Variants in EVC2 observed in about 807,000 individuals in gnomAD.
EVC2 encodes limbin.
A neutral mutation model predicts 149.3 loss-of-function variants in EVC2; 148 were observed. The ratio of observed to expected loss-of-function variants is 0.99; its 90% CI spans 0.87 to 1.14. The LOEUF is 1.14. Among genes scored for constraint, EVC2 ranks in the 50% most tolerant of loss-of-function variants. The probability of loss-of-function intolerance (pLI) is 0.00; values close to 1 mark genes in which losing one functional copy is unlikely to be tolerated. For synonymous variants in EVC2, 776 were observed against 649.9 expected (o/e 1.19, Z -2.95); for missense variants, 1,854 against 1,627.3 (o/e 1.14, Z -2.40).
At position 5,631,595 on chromosome 4, in the gene EVC2, G is replaced by A. The variant is rs530084687; in HGVS notation, c.1710+198C>T. Reference sequence around the variant, plus strand: ...GGGGGGGAACTGAAATTCCAATCCAGGTCAGCCCGAGTTCAAGGCCTGTAC... The same window carrying A: ...GGGGGGGAACTGAAATTCCAATCCAAGTCAGCCCGAGTTCAAGGCCTGTAC... On this transcript the variant is annotated intron_variant, in intron 11 of 21. Transcript: ENST00000344408. Among the ~76,000 whole-genome samples the A allele has an allele frequency of 2.6e-5, 4 of 151,900 alleles. No homozygotes were observed. The South Asian group carries it at 8.3e-4, about 32-fold the overall frequency.
chr4:5,642,349 C>A (rs745383021), intron 9 of EVC2, among the ~76,000 whole-genome samples: 8 of 151,806 alleles, frequency 5.3e-5, no homozygotes, highest in Non-Finnish European at 1.0e-4. Flanking sequence ...ACTATTTACA[C>A]AGATGCATGC....
Position 5,568,579 on chromosome 4 carries a change from C to A in EVC2, c.3422G>T (p.Arg1141Leu), listed in dbSNP as rs778201846. 1 of 1,607,744 alleles carries A rather than the reference C, an allele frequency of 6.2e-7. No homozygotes were observed. ...TGTGGGCAGTACCACACTCAGGAGC[C>A]GGCGAAGCGTGGCCCCGGGCACCAT... ...MAMVPGATLR[R>L]LLSVVLPTAS... is the part of the protein sequence containing the mutation. Residue 1141 changes from arginine to leucine, a missense_variant, in exon 20 of 22, where the codon CGG (arginine) becomes CTG (leucine). By Grantham distance (102) the Arg-to-Leu change is moderately radical. Transcript: ENST00000344408.
intron 1 of EVC2, among the ~76,000 whole-genome samples, chr4:5,705,105 G>A (rs1487978638): frequency 6.6e-6 from 1 of 152,122 alleles, no homozygotes; most frequent in Non-Finnish European, 1.5e-5. Context: ...CTGATTTTTT[G>A]TTGTTCTTTT....
chr4:5,697,945 G>A (rs1721588963), intron 1 of EVC2, among the ~76,000 whole-genome samples: 1 of 151,960 alleles, frequency 6.6e-6, no homozygotes, highest in Non-Finnish European at 1.5e-5. Flanking sequence ...TAGAGACGGG[G>A]TTTCACCATA....
Position 5,570,919 on chromosome 4 carries a change from TCA to T in EVC2, c.3361-2281_3361-2280del, listed in dbSNP as rs1722604512. On this transcript the variant is annotated intron_variant, in intron 19 of 21. Transcript: ENST00000344408. Reference sequence around the variant, plus strand: ...ATGGAAAACCATATATTGTATGTTCTCACTTATGAGGAGGAGCTGAGCTATGA... The same window carrying T: ...ATGGAAAACCATATATTGTATGTTCTCTTATGAGGAGGAGCTGAGCTATGA... Among the ~76,000 whole-genome samples the T allele has an allele frequency of 5.3e-5, 8 of 152,254 alleles. No individual in the cohort carries two copies. The South Asian group carries it at 1.7e-3, about 32-fold the overall frequency.
At chr4:5,590,038 A>C (rs983751205) in intron 16 of EVC2, among the ~76,000 whole-genome samples, 1 of 152,144 alleles carries the variant, frequency 6.6e-6, no homozygotes, top group Non-Finnish European at 1.5e-5. Flanking sequence ...GCAGATACTG[A>C]AGGATCCAGG....
intron 9 of EVC2, 132 bp downstream of exon 9, chr4:5,662,975 T>C: frequency 2.5e-6 from 3 of 1,214,004 alleles, no homozygotes; most frequent in Non-Finnish European, 3.5e-6. Context: ...GCATAGCAGT[T>C]GTTGAATTAT....
In EVC2 at chr4:5,685,419, C is replaced by T; in HGVS notation, c.767G>A (p.Gly256Glu). The T allele has an allele frequency of 1.2e-6, 2 of 1,614,220 alleles. No individual in the cohort carries two copies. Among genetic ancestry groups the T allele is most frequent in the Non-Finnish European group, 1.7e-6 (2 of 1,180,038 alleles). The change falls in exon 6 of 22, where the codon GGG becomes GAG. Residue 256 changes from glycine (G) to glutamate (E), a missense_variant. Physicochemically the swap from Gly to Glu is moderately conservative, Grantham distance 98 (BLOSUM62 -2). Coordinates refer to ENST00000344408, the MANE Select transcript of EVC2 (RefSeq NM_147127.5). Reference protein sequence around the residue: ...ATLQAGDLGNGESLKLPAQLT... With the variant: ...ATLQAGDLGNEESLKLPAQLT... The stretch of plus-strand genomic sequence containing the variant: ...TTGGGCAGGAAGCTTGAGGCTCTCC[C>T]CGTTCCCGAGGTCTCCAGCCTGGAG...
Position 5,665,414 on chromosome 4 carries a change from A to G in EVC2, c.1005+101T>C, listed in dbSNP as rs1022321825. 8.9e-6 allele frequency: 14 copies of G among 1,578,570 alleles called. 2 individuals carry two copies. The Admixed American group carries it at 2.4e-4, about 27-fold the overall frequency. ...ATGGGTTTTTGTGCACAGCTCCCTCAGCAATGCTGATGGGGATCCAGGGCT... is the reference window on the plus strand; with the variant it reads ...ATGGGTTTTTGTGCACAGCTCCCTCGGCAATGCTGATGGGGATCCAGGGCT... On this transcript the variant is annotated intron_variant, in intron 8 of 21. Coordinates refer to ENST00000344408, the MANE Select transcript of EVC2 (RefSeq NM_147127.5).
intron 2 of EVC2, among the ~76,000 whole-genome samples, chr4:5,695,611 C>G (rs910469973): frequency 6.6e-6 from 1 of 152,206 alleles, no homozygotes; most frequent in African/African-American, 2.4e-5. Context: ...TCAGACAGGG[C>G]TGTTGTCTGA....
intron 1 of EVC2, among the ~76,000 whole-genome samples, chr4:5,702,847 T>A (rs1226740161): frequency 6.6e-6 from 1 of 152,230 alleles, no homozygotes; most frequent in East Asian, 1.9e-4. Context: ...GGAATCACTG[T>A]GGCCTCAGTT....
chr4:5,605,961 C>T (rs1285588585), intron 16 of EVC2, among the ~76,000 whole-genome samples: 1 of 152,182 alleles, frequency 6.6e-6, no homozygotes, highest in Admixed American at 6.5e-5. Flanking sequence ...CCCTTCCTGA[C>T]GGGACTGCTG....
chr4:5,539,921 C>T (rs771155668), downstream of EVC2, among the ~76,000 whole-genome samples: 4 of 152,036 alleles, frequency 2.6e-5, no homozygotes, highest in East Asian at 1.9e-4. Flanking sequence ...CAAAAGATAC[C>T]GCTGAAAGAA....
At chr4:5,617,686 G>A (rs1715360823) in intron 15 of EVC2, among the ~76,000 whole-genome samples, 1 of 152,196 alleles carries the variant, frequency 6.6e-6, no homozygotes, top group Non-Finnish European at 1.5e-5. Context: ...CCTAGTGGAG[G>A]TGGCATTTGA....
At chr4:5,561,943 G>C (rs1721977148), downstream of EVC2, among the ~76,000 whole-genome samples, 2 of 152,130 alleles carry the variant, frequency 1.3e-5, no homozygotes, top group South Asian at 4.1e-4. Context: ...AATACCCATT[G>C]TAATTGTATT....
chr4:5,674,873 G>A (rs1257406342), intron 7 of EVC2, among the ~76,000 whole-genome samples: 2 of 152,138 alleles, frequency 1.3e-5, no homozygotes, highest in African/African-American at 2.4e-5. Context: ...ATAGGATGCT[G>A]GGGCAGTAAT....
At position 5,633,789 on chromosome 4, in the gene EVC2, C is replaced by G. The variant is rs1448207065; in HGVS notation, c.1471-1757G>C. On this transcript the variant is annotated intron_variant, in intron 10 of 21. Coordinates refer to ENST00000344408, the MANE Select transcript of EVC2 (RefSeq NM_147127.5). The surrounding 1 kb of genome is among the most constrained non-coding windows in gnomAD (Gnocchi z 4.4). ...AAACAAGGTTGGAATGCTCTATCACCCACCAGAATTCTCTGGTTTCAGTAA... is the reference window on the plus strand; with the variant it reads ...AAACAAGGTTGGAATGCTCTATCACGCACCAGAATTCTCTGGTTTCAGTAA... Among the ~76,000 whole-genome samples the G allele has an allele frequency of 6.6e-6, 1 of 152,230 alleles. No individual in the cohort carries two copies. Among genetic ancestry groups the G allele is most frequent in the Non-Finnish European group, 1.5e-5 (1 of 68,040 alleles).
Position 5,708,331 on chromosome 4 carries a change from C to T in EVC2, c.183G>A (p.Arg61=). The change falls in exon 1 of 22, where the codon AGG becomes AGA. Residue 61 remains arginine, a synonymous_variant. Transcript: ENST00000344408. Reference sequence around the variant, plus strand: ...CCGCCCCGCTCCGCCCCGGAGGGATCCTCAGGCCGGGCCCAGACCTAGGAG... The same window carrying T: ...CCGCCCCGCTCCGCCCCGGAGGGATTCTCAGGCCGGGCCCAGACCTAGGAG... ...QVAPRSGPGL[R]IPPGRSGAGP... is the part of the protein sequence containing the mutation. 1.4e-6 allele frequency: 2 copies of T among 1,471,088 alleles called. No homozygotes were observed. The highest frequency in any genetic ancestry group is 1.8e-6 in the Non-Finnish European group (2 of 1,117,192). 91.1% of individuals were successfully genotyped at this position (1,471,088 alleles called of 1,614,324 possible). A position where few individuals can be genotyped will look rare whatever the true frequency, so the allele number is the denominator to read the frequency against.
Position 5,637,099 on chromosome 4 carries a change from G to A in EVC2, c.1470+3415C>T, listed in dbSNP as rs1255236982. Among the ~76,000 whole-genome samples, 2 of 152,174 alleles carry A rather than the reference G, an allele frequency of 1.3e-5. No homozygotes were observed. Among genetic ancestry groups the A allele is most frequent in the Non-Finnish European group, 2.9e-5 (2 of 68,028 alleles). On this transcript the variant is annotated intron_variant, in intron 10 of 21. Coordinates refer to ENST00000344408, the MANE Select transcript of EVC2 (RefSeq NM_147127.5). The surrounding 1 kb of genome is among the most constrained non-coding windows in gnomAD (Gnocchi z 4.4). The stretch of plus-strand genomic sequence containing the variant: ...GCAGAAAAGCCCTGGAGAGAGCAGG[G>A]TCAGGAAGCCCTGAGGAGGAGAGGG...
Sources: allele counts gnomAD v4.1 joint callset (sites outside exome capture counted in the v4.1 genomes callset), GRCh38; gene constraint gnomAD v4.1.1; non-coding constraint Gnocchi (gnomAD v3.1); transcripts MANE v1.5; gene names NCBI Gene and HGNC (gene_info 2026-07-23, HGNC 2026-07-21).